SLC44A5: variants seen among roughly 807,000 people sequenced by gnomAD.
The protein encoded by SLC44A5 is choline transporter-like protein 5.
Under a neutral mutation model 101.8 loss-of-function variants are expected in SLC44A5, and 57 were observed. The ratio of observed to expected loss-of-function variants is 0.56; its 90% CI spans 0.45 to 0.70. The LOEUF (loss-of-function observed/expected upper bound fraction) is 0.70, where lower values mean the gene tolerates loss of function less well. SLC44A5 is among the 30% of genes least tolerant of loss of function. SLC44A5 has a pLI of 0.00. For missense variants in SLC44A5, 737 were observed against 853.1 expected, an observed-to-expected ratio of 0.86 and a Z score of 1.70; for synonymous variants, 281 against 290.9, an observed-to-expected ratio of 0.97 and a Z score of 0.35.
chr1:75,464,004 T>C (rs1666665176), intron 2 of SLC44A5, among the ~76,000 whole-genome samples: 1 of 151,942 alleles, frequency 6.6e-6, no homozygotes. Context: ...AGGAGGTTTA[T>C]GAGGTCAGGA....
the SLC44A5 span, among the ~76,000 whole-genome samples, chr1:75,679,188 G>C: frequency 6.6e-6 from 1 of 152,202 alleles, no homozygotes; most frequent in African/African-American, 2.4e-5. Context: ...AAAACACTCT[G>C]CAGGATATTA....
chr1:75,585,052 G>A (rs575180827), intron 1 of SLC44A5, among the ~76,000 whole-genome samples: 5 of 152,308 alleles, frequency 3.3e-5, no homozygotes, highest in African/African-American at 1.2e-4. Flanking sequence ...AAGTCAGAAA[G>A]CCTGGTTCCA....
At chr1:75,418,824 G>A (rs932669434) in intron 2 of SLC44A5, among the ~76,000 whole-genome samples, 1 of 152,128 alleles carries the variant, frequency 6.6e-6, no homozygotes, top group Non-Finnish European at 1.5e-5. Context: ...AAGTAAAGCA[G>A]GAGAAACTTC....
intron 2 of SLC44A5, among the ~76,000 whole-genome samples, chr1:75,438,696 G>C (rs944897017): frequency 2.6e-5 from 4 of 152,046 alleles, no homozygotes; most frequent in African/African-American, 9.7e-5. Flanking sequence ...TAGGATCCTA[G>C]GCTCTGAACA....
intron 2 of SLC44A5, among the ~76,000 whole-genome samples, chr1:75,500,252 A>T (rs1668885402): frequency 6.6e-6 from 1 of 152,244 alleles, no homozygotes; most frequent in South Asian, 2.1e-4. Flanking sequence ...AAAGTCATGC[A>T]TCAAAATGGA....
At chr1:75,586,817 C>T (rs999756474) in intron 1 of SLC44A5, among the ~76,000 whole-genome samples, 1 of 152,018 alleles carries the variant, frequency 6.6e-6, no homozygotes, top group African/African-American at 2.4e-5. Flanking sequence ...GGGCCTAGCA[C>T]GGTGCCTGCA....
chr1:75,347,943 T>C (rs1658374834), intron 3 of SLC44A5, among the ~76,000 whole-genome samples: 1 of 152,124 alleles, frequency 6.6e-6, no homozygotes, highest in South Asian at 2.1e-4. Context: ...AACCTTGGGA[T>C]TATTTCTGTT....
intron 3 of SLC44A5, among the ~76,000 whole-genome samples, chr1:75,353,231 A>C (rs918533733): frequency 2.0e-5 from 3 of 152,230 alleles, no homozygotes; most frequent in African/African-American, 7.2e-5. Context: ...TCAAAGACTC[A>C]AGTAATCCAA....
chr1:75,560,120 C>A (rs995393085), intron 1 of SLC44A5, among the ~76,000 whole-genome samples: 2 of 152,120 alleles, frequency 1.3e-5, no homozygotes, highest in African/African-American at 4.8e-5. Context: ...TTTTGGAAAG[C>A]AGTTTCACAG....
the SLC44A5 span, among the ~76,000 whole-genome samples, chr1:75,692,489 C>T: frequency 1.3e-5 from 2 of 152,128 alleles, no homozygotes; most frequent in African/African-American, 4.8e-5. Context: ...GCCACCGCAG[C>T]CGGCCCGAGG....
chr1:75,611,108 C>A lies in SLC44A5; in HGVS notation c.-138G>T. On this transcript the variant is annotated 5_prime_UTR_variant, in exon 1 of 24. Transcript: ENST00000370859. ...CTTCTAACTCTAACATGCTACGATT[C>A]ACTACTGTGAAAAAAAAGCTGATGT... The A allele has an allele frequency of 1.0e-6, 1 of 985,234 alleles. No homozygotes were observed. The highest frequency in any genetic ancestry group is 1.2e-6 in the Non-Finnish European group (1 of 829,836). The allele number at this position is 985,234 out of a possible 1,614,324, so 61.0% of individuals were successfully genotyped here.
chr1:75,431,430 C>G (rs1570257700), intron 2 of SLC44A5, among the ~76,000 whole-genome samples: 2 of 152,106 alleles, frequency 1.3e-5, no homozygotes, highest in East Asian at 3.9e-4. Context: ...GGTTACACTA[C>G]TTTAAATGAA....
the SLC44A5 span, among the ~76,000 whole-genome samples, chr1:75,722,520 C>T: frequency 6.6e-6 from 1 of 152,164 alleles, no homozygotes; most frequent in East Asian, 1.9e-4. Context: ...ACGATCTAGG[C>T]ACAAATGTTT....
At chr1:75,680,179 C>T in the SLC44A5 span, among the ~76,000 whole-genome samples, 1 of 152,060 alleles carries the variant, frequency 6.6e-6, no homozygotes, top group African/African-American at 2.4e-5. Flanking sequence ...TTTAACACCC[C>T]ACTGTCAACA....
At chr1:75,222,522 T>A in intron 13 of SLC44A5, 62 bp from the exon 14 acceptor site, 1 of 958,550 alleles carries the variant, frequency 1.0e-6, no homozygotes, top group Non-Finnish European at 1.7e-6. Flanking sequence ...AAACCTTCCC[T>A]GCAAATGCTA....
the SLC44A5 span, among the ~76,000 whole-genome samples, chr1:75,722,917 G>C: frequency 2.0e-5 from 3 of 152,188 alleles, no homozygotes; most frequent in Non-Finnish European, 4.4e-5. Flanking sequence ...TGTGCTCTTA[G>C]CTGCCACATT....
In SLC44A5 at chr1:75,274,955, C is replaced by G. The variant is rs765090410; in HGVS notation, c.260+3G>C. Reference sequence around the variant, plus strand: ...CACACAAAGCAAAGGTGGCCATACTCACTCATTGGGAGTGCCCTTCTGGCC... The same window carrying G: ...CACACAAAGCAAAGGTGGCCATACTGACTCATTGGGAGTGCCCTTCTGGCC... On this transcript the variant is annotated splice_donor_region_variant and intron_variant, in intron 6 of 23. Transcript: ENST00000370859. 3 of 1,610,578 alleles carry G rather than the reference C, an allele frequency of 1.9e-6. No homozygotes were observed. The highest frequency in any genetic ancestry group is 2.5e-6 in the Non-Finnish European group (3 of 1,177,920).
chr1:75,680,340 A>G, the SLC44A5 span, among the ~76,000 whole-genome samples: 1 of 152,118 alleles, frequency 6.6e-6, no homozygotes, highest in African/African-American at 2.4e-5. Context: ...CACCTATTCC[A>G]AAATTGACCA....
chr1:75,482,171 T>A (rs10782783), intron 2 of SLC44A5, among the ~76,000 whole-genome samples: 1 of 150,482 alleles, frequency 6.6e-6, no homozygotes, highest in Non-Finnish European at 1.5e-5. Context: ...ATCACAAGGA[T>A]AAAAAACCAA....
Sources: gnomAD v4.1 joint callset for allele counts (sites outside exome capture counted in the v4.1 genomes callset) on GRCh38, gnomAD v4.1.1 for gene constraint, MANE v1.5 for transcripts, NCBI Gene and HGNC (gene_info 2026-07-23, HGNC 2026-07-21) for gene names.